The following FAF1 variants were observed in gnomAD, a reference collection of about 807,000 sequenced individuals.
FAF1 encodes Fas associated factor 1.
In FAF1, 25 loss-of-function variants were observed where a neutral mutation model predicts 92.5. The observed-to-expected ratio is 0.27, with a 90% CI of 0.20 to 0.38. FAF1 has a LOEUF of 0.38. Among genes scored for constraint, FAF1 ranks in the 10% least tolerant of loss-of-function variants. The pLI, the probability that FAF1 is intolerant of heterozygous loss-of-function variation, is 1.00. For missense variants in FAF1, 636 were observed against 793.3 expected (o/e 0.80, Z 2.38); for synonymous variants, 234 against 273.2 (o/e 0.86, Z 1.42).
intron 12 of FAF1, among the ~76,000 whole-genome samples, chr1:50,579,530 C>T (rs1191043272): frequency 6.6e-6 from 1 of 152,082 alleles, no homozygotes; most frequent in Non-Finnish European, 1.5e-5. Flanking sequence ...TTAAATATAA[C>T]AACATGGCCA....
At chr1:50,791,562 T>C (rs1157438912) in intron 3 of FAF1, among the ~76,000 whole-genome samples, 2 of 152,194 alleles carry the variant, frequency 1.3e-5, no homozygotes, top group Non-Finnish European at 2.9e-5. Context: ...AGTATCACCC[T>C]GTAGGTCTTC....
chr1:50,870,900 A>G (rs533922523), intron 1 of FAF1, among the ~76,000 whole-genome samples: 3 of 152,364 alleles, frequency 2.0e-5, no homozygotes, highest in Non-Finnish European at 2.9e-5. Context: ...TGAGAAAGAA[A>G]TGTTGAAAGT....
chr1:50,637,558 A>G (rs1209205136), intron 8 of FAF1, among the ~76,000 whole-genome samples: 1 of 151,904 alleles, frequency 6.6e-6, no homozygotes, highest in Non-Finnish European at 1.5e-5. Flanking sequence ...TCTATGAAAA[A>G]TGCTATTGAG....
chr1:50,614,083 G>A (rs1652796689), intron 8 of FAF1, among the ~76,000 whole-genome samples: 1 of 151,616 alleles, frequency 6.6e-6, no homozygotes, highest in African/African-American at 2.4e-5. Flanking sequence ...GCAATAGAGT[G>A]AGACTCTGTC....
chr1:50,567,857 C>G (rs565059753), intron 12 of FAF1, among the ~76,000 whole-genome samples: 197 of 152,144 alleles, frequency 1.3e-3, no homozygotes, highest in African/African-American at 4.5e-3. Flanking sequence ...TGCATTCTTT[C>G]TAGTTTATAT....
At chr1:50,557,658 T>C (rs1437940467) in intron 13 of FAF1, among the ~76,000 whole-genome samples, 2 of 152,176 alleles carry the variant, frequency 1.3e-5, no homozygotes, top group African/African-American at 4.8e-5. Flanking sequence ...TGAACTAACA[T>C]GTTTCTTTTA....
At chr1:50,931,425 A>G (rs1022057936) in intron 1 of FAF1, among the ~76,000 whole-genome samples, 1 of 151,820 alleles carries the variant, frequency 6.6e-6, no homozygotes, top group African/African-American at 2.4e-5. Flanking sequence ...TTGGACTTAC[A>G]GTTCCACATA....
chr1:50,819,668 A>ACTCT (rs1404970798), intron 2 of FAF1, among the ~76,000 whole-genome samples: 1 of 118,898 alleles, frequency 8.4e-6, no homozygotes, highest in African/African-American at 3.4e-5. Context: ...ACACACACAC[A>ACTCT]CTCTCTCTCT....
At chr1:50,948,821 T>C (rs1343979750) in intron 1 of FAF1, among the ~76,000 whole-genome samples, 1 of 152,118 alleles carries the variant, frequency 6.6e-6, no homozygotes, top group African/African-American at 2.4e-5. Context: ...ACACCACACT[T>C]GGCCCTAGAC....
At position 50,514,772 on chromosome 1, in the gene FAF1, G is replaced by A. The variant is rs192567218; in HGVS notation, c.1494+20597C>T. ...TAGGACTGGCTTACTAATTTCTTTA[G>A]TGACAGAATTTCAAACTATGGATTG... is the stretch of plus-strand genomic sequence containing the variant. On this transcript the variant is annotated intron_variant, in intron 15 of 18. Coordinates refer to ENST00000396153, the MANE Select transcript of FAF1 (RefSeq NM_007051.3). Among the ~76,000 whole-genome samples the A allele has an allele frequency of 4.9e-4, 74 of 152,296 alleles. 1 individual carries two copies. The highest frequency in any genetic ancestry group is 6.0e-4 in the Non-Finnish European group (41 of 68,000).
chr1:50,924,944 T>C (rs908481557), intron 1 of FAF1, among the ~76,000 whole-genome samples: 2 of 152,110 alleles, frequency 1.3e-5, no homozygotes, highest in Non-Finnish European at 2.9e-5. Flanking sequence ...GATCGTGCCA[T>C]TGCACTCCAG....
At chr1:50,628,791 G>A (rs144910825) in intron 8 of FAF1, among the ~76,000 whole-genome samples, 1 of 152,270 alleles carries the variant, frequency 6.6e-6, no homozygotes, top group East Asian at 1.9e-4. Flanking sequence ...CTCATCATGA[G>A]TTGCTACCCA....
intron 2 of FAF1, among the ~76,000 whole-genome samples, chr1:50,853,169 C>T (rs1644364518): frequency 6.6e-6 from 1 of 152,108 alleles, no homozygotes; most frequent in African/African-American, 2.4e-5. Flanking sequence ...AAGCAGTGCA[C>T]ATTTGAGGAC....
chr1:50,809,463 C>T (rs1433658454), intron 2 of FAF1, among the ~76,000 whole-genome samples: 3 of 152,022 alleles, frequency 2.0e-5, no homozygotes, highest in African/African-American at 7.2e-5. Context: ...ATACAAAGAA[C>T]ACTCAGAGAC....
intron 4 of FAF1, among the ~76,000 whole-genome samples, chr1:50,750,032 T>C (rs1221865383): frequency 6.6e-6 from 1 of 152,170 alleles, no homozygotes; most frequent in Non-Finnish European, 1.5e-5. Flanking sequence ...CTGGGCAGTA[T>C]AGGTTCTCAA....
At chr1:50,934,429 T>C (rs1291893485) in intron 1 of FAF1, among the ~76,000 whole-genome samples, 1 of 152,184 alleles carries the variant, frequency 6.6e-6, no homozygotes, top group Non-Finnish European at 1.5e-5. Context: ...TTTGATCATA[T>C]AACACTGTCT....
intron 8 of FAF1, among the ~76,000 whole-genome samples, chr1:50,614,031 A>C (rs1384999550): frequency 6.6e-6 from 1 of 151,978 alleles, no homozygotes; most frequent in East Asian, 1.9e-4. Flanking sequence ...TGAGAGGTGG[A>C]GGTTGCAGTG....
intron 2 of FAF1, among the ~76,000 whole-genome samples, chr1:50,821,666 T>G (rs1644044135): frequency 6.6e-6 from 1 of 152,196 alleles, no homozygotes; most frequent in Non-Finnish European, 1.5e-5. Context: ...AAAACGGAAG[T>G]GGATAACAAT....
chr1:50,594,633 GTGGGGGT>G (rs1488073190), intron 9 of FAF1, among the ~76,000 whole-genome samples: 1 of 149,906 alleles, frequency 6.7e-6, no homozygotes, highest in Non-Finnish European at 1.5e-5. Context: ...GCCGGGGGGG[GTGGGGGT>G]TGGGGGTGGA....
Sources: gnomAD v4.1 joint callset for allele counts (sites outside exome capture counted in the v4.1 genomes callset) on GRCh38, gnomAD v4.1.1 for gene constraint, MANE v1.5 for transcripts, NCBI Gene and HGNC (gene_info 2026-07-23, HGNC 2026-07-21) for gene names.